The following SLC35F5 variants were observed in gnomAD, a reference collection of about 807,000 sequenced individuals.
SLC35F5 encodes the protein HCV NS5A-transactivated protein 3.
A neutral mutation model predicts 68.6 loss-of-function variants in SLC35F5; 54 were observed. That is an observed-to-expected ratio of 0.79 (90% CI 0.63 to 0.99). The LOEUF (loss-of-function observed/expected upper bound fraction) is 0.99. SLC35F5 is among the 50% of genes least tolerant of loss of function. SLC35F5 has a pLI of 0.00. For missense variants in SLC35F5, 567 were observed against 626.9 expected (o/e 0.90, Z 1.02); for synonymous variants, 211 against 205.2 (o/e 1.03, Z -0.24).
downstream of SLC35F5, among the ~76,000 whole-genome samples, chr2:113,704,253 GC>G (rs1406436999): frequency 1.3e-5 from 2 of 152,190 alleles, no homozygotes; most frequent in African/African-American, 4.8e-5. Context: ...TTTACAGAGA[GC>G]GAGTGGTCTG....
intron 15 of SLC35F5, among the ~76,000 whole-genome samples, chr2:113,716,590 T>C (rs111400490): frequency 1.3e-5 from 2 of 152,030 alleles, no homozygotes; most frequent in African/African-American, 4.8e-5. Context: ...TTGATCTTAG[T>C]GGGAAAGTCA....
At chr2:113,748,953 G>C (rs898510453) in intron 4 of SLC35F5, among the ~76,000 whole-genome samples, 15 of 152,104 alleles carry the variant, frequency 9.9e-5, no homozygotes, top group African/African-American at 3.1e-4. Context: ...ACAGGAGTGC[G>C]CCACCATGCC....
chr2:113,715,744 TTA>T (rs1266824702), intron 15 of SLC35F5, among the ~76,000 whole-genome samples: 2 of 152,164 alleles, frequency 1.3e-5, no homozygotes, highest in Non-Finnish European at 2.9e-5. Flanking sequence ...TTCAGTGTTG[TTA>T]TGTTATAATG....
intron 4 of SLC35F5, among the ~76,000 whole-genome samples, chr2:113,748,812 A>G (rs1676620785): frequency 1.5e-5 from 2 of 133,694 alleles, no homozygotes; most frequent in Admixed American, 1.5e-4. Flanking sequence ...ATTGTTTTTT[A>G]TTTATTTATT....
rs1687011554 is a variant in SLC35F5 at position 113,712,200 on chromosome 2, TGACAGAAGCC to T, written c.*3008_*3017del. Reference sequence around the variant, plus strand: ...ATGTAAAGAATTAATTAAATCAGGTTGACAGAAGCCAATATCTCAATGTTTTTAAATTAAA... The same window carrying T: ...ATGTAAAGAATTAATTAAATCAGGTTAATATCTCAATGTTTTTAAATTAAA... On this transcript the variant is annotated 3_prime_UTR_variant, in exon 16 of 16. Transcript: ENST00000245680. Among the ~76,000 whole-genome samples, 1 of 152,262 alleles carries T rather than the reference TGACAGAAGCC, an allele frequency of 6.6e-6. No individual in the cohort carries two copies.
At position 113,708,870 on chromosome 2, in the gene SLC35F5, A is replaced by G. The variant is rs546625927; in HGVS notation, c.*6348T>C. Among the ~76,000 whole-genome samples the G allele has an allele frequency of 2.6e-5, 4 of 152,342 alleles. No homozygotes were observed. In the East Asian group the frequency reaches 5.8e-4, roughly 22 times the overall value. On this transcript the variant is annotated 3_prime_UTR_variant, in exon 16 of 16. Transcript: ENST00000245680. ...AAACTATACCTTTTGAACATGCATT[A>G]GGTAACCAGGGGGCAACAGAGTAGG...
chr2:113,725,277 G>C, intron 12 of SLC35F5, 101 bp downstream of exon 12: 1 of 1,019,262 alleles, frequency 9.8e-7, no homozygotes, highest in Non-Finnish European at 1.5e-6. Flanking sequence ...GTTGCAGAAT[G>C]GGGTGCACAG....
At chr2:113,716,162 G>C (rs1687172171) in intron 15 of SLC35F5, among the ~76,000 whole-genome samples, 1 of 152,166 alleles carries the variant, frequency 6.6e-6, no homozygotes, top group African/African-American at 2.4e-5. Flanking sequence ...CCAACTCTTG[G>C]TTAGCAATGG....
chr2:113,752,555 A>G (rs1265351968), intron 3 of SLC35F5, among the ~76,000 whole-genome samples: 4 of 152,234 alleles, frequency 2.6e-5, no homozygotes, highest in Admixed American at 1.3e-4. Context: ...ACAAGAAATA[A>G]GAGAAAAATA....
At chr2:113,703,044 A>T (rs945006698), downstream of SLC35F5, among the ~76,000 whole-genome samples, 4 of 152,098 alleles carry the variant, frequency 2.6e-5, no homozygotes, top group Admixed American at 2.6e-4. Flanking sequence ...CTGGTAGTGG[A>T]GGTTGCAATG....
chr2:113,716,115 G>A lies in SLC35F5; in HGVS notation c.*23-920C>T, dbSNP rs78655618. On this transcript the variant is annotated intron_variant, in intron 15 of 15. Transcript: ENST00000245680. The stretch of plus-strand genomic sequence containing the variant: ...TTTTCTTAAAAGGAATAAACCACAT[G>A]GACAAAAAGAAAAGTAGAGAGATGA... Among the ~76,000 whole-genome samples, 1,137 of 152,112 alleles carry A rather than the reference G, an allele frequency of 7.5e-3. 2 individuals carry two copies. The highest frequency in any genetic ancestry group is 0.012 in the Non-Finnish European group (833 of 67,968).
intron 11 of SLC35F5, 77 bp from the exon 12 acceptor site, chr2:113,725,614 A>C: frequency 7.3e-7 from 1 of 1,370,466 alleles, no homozygotes; most frequent in Non-Finnish European, 9.8e-7. Context: ...TAAAATCAAA[A>C]TTAGATTTTG....
chr2:113,755,761 A>AG (rs1479361327), intron 1 of SLC35F5: 1 of 983,588 alleles, frequency 1.0e-6, no homozygotes, highest in Non-Finnish European at 1.5e-6. Flanking sequence ...GCGGGCAGGG[A>AG]GGGGGAGTAA....
intron 11 of SLC35F5, among the ~76,000 whole-genome samples, chr2:113,728,652 GA>G (rs1408011041): frequency 2.6e-5 from 4 of 152,164 alleles, no homozygotes; most frequent in Admixed American, 1.3e-4. Context: ...AGATGCCTAT[GA>G]GATAAATAAA....
intron 11 of SLC35F5, among the ~76,000 whole-genome samples, chr2:113,726,950 C>T (rs1687688185): frequency 6.6e-6 from 1 of 152,178 alleles, no homozygotes; most frequent in Admixed American, 6.5e-5. Flanking sequence ...CATCTCATAT[C>T]CTGTTTTAGG....
intron 6 of SLC35F5, among the ~76,000 whole-genome samples, 188 bp from the exon 7 acceptor site, chr2:113,743,067 AT>A (rs1676348997): frequency 6.6e-6 from 1 of 152,206 alleles, no homozygotes. Context: ...AGGAAAAATG[AT>A]TTCATCTACA....
intron 5 of SLC35F5, among the ~76,000 whole-genome samples, chr2:113,744,549 C>T (rs1455555239): frequency 2.6e-5 from 4 of 151,978 alleles, no homozygotes; most frequent in South Asian, 4.2e-4. Context: ...GTCGGGAGTT[C>T]GAGACCAGCC....
chr2:113,741,454 A>C (rs914801965), intron 7 of SLC35F5, among the ~76,000 whole-genome samples: 5 of 152,118 alleles, frequency 3.3e-5, no homozygotes, highest in Admixed American at 6.5e-5. Context: ...TAATCCCAAC[A>C]CTTTGGCAGG....
chr2:113,750,175 C>T (rs1676676505), intron 4 of SLC35F5, among the ~76,000 whole-genome samples: 1 of 152,112 alleles, frequency 6.6e-6, no homozygotes, highest in Admixed American at 6.5e-5. Context: ...TTGATTTGGG[C>T]TAATTCAAGA....
Sources: gnomAD v4.1 joint callset for allele counts (sites outside exome capture counted in the v4.1 genomes callset) on GRCh38, gnomAD v4.1.1 for gene constraint, MANE v1.5 for transcripts, NCBI Gene and HGNC (gene_info 2026-07-23, HGNC 2026-07-21) for gene names.